The following SV2C variants were observed in gnomAD, a reference collection of about 807,000 sequenced individuals.
The protein encoded by SV2C is solute carrier family 22 member B3.
Under a neutral mutation model 79.7 loss-of-function variants are expected in SV2C, and 49 were observed. That is an observed-to-expected ratio of 0.61 (90% CI 0.49 to 0.78). SV2C has a LOEUF of 0.78. Among genes scored for constraint, SV2C ranks in the 30% least tolerant of loss-of-function variants. The pLI is 0.00. For synonymous variants in SV2C, 334 were observed against 333.2 expected (o/e 1.00, Z -0.03); for missense variants, 833 against 912.9 (o/e 0.91, Z 1.13).
the SV2C span, among the ~76,000 whole-genome samples, chr5:76,008,995 G>A: frequency 6.6e-6 from 1 of 152,218 alleles, no homozygotes; most frequent in East Asian, 1.9e-4. Context: ...TCTCCATGGT[G>A]CACTTCCTCA....
chr5:76,150,722 C>T (rs1045492652), intron 2 of SV2C, among the ~76,000 whole-genome samples: 3 of 126,422 alleles, frequency 2.4e-5, no homozygotes, highest in African/African-American at 8.9e-5. Context: ...ACTGCAGTTT[C>T]AACCTCCTGG....
At chr5:76,250,333 T>G (rs1490258433) in intron 4 of SV2C, among the ~76,000 whole-genome samples, 1 of 152,228 alleles carries the variant, frequency 6.6e-6, no homozygotes, top group East Asian at 1.9e-4. Context: ...CTTTATATTT[T>G]TAAAATAGGA....
chr5:76,162,512 C>T (rs1742925882), intron 2 of SV2C, among the ~76,000 whole-genome samples: 1 of 152,140 alleles, frequency 6.6e-6, no homozygotes, highest in South Asian at 2.1e-4. Context: ...TAGCTTAGTC[C>T]AGACTCATTT....
chr5:76,206,712 T>C (rs1398033535), intron 3 of SV2C, among the ~76,000 whole-genome samples: 2 of 152,324 alleles, frequency 1.3e-5, no homozygotes, highest in African/African-American at 2.4e-5. Context: ...CAAGAATGAA[T>C]ATGATAAAGT....
chr5:76,040,716 C>G, the SV2C span, among the ~76,000 whole-genome samples: 1 of 152,136 alleles, frequency 6.6e-6, no homozygotes, highest in South Asian at 2.1e-4. Context: ...AAGTCTCCCT[C>G]AGAAGCCTCT....
the SV2C span, among the ~76,000 whole-genome samples, chr5:75,973,663 A>G: frequency 1.4e-4 from 22 of 152,198 alleles, no homozygotes; most frequent in African/African-American, 5.1e-4. Context: ...ATATTTAGCC[A>G]TAGATCAGGA....
chr5:76,093,529 C>A (rs1747447394), intron 1 of SV2C, among the ~76,000 whole-genome samples: 1 of 152,226 alleles, frequency 6.6e-6, no homozygotes, highest in Admixed American at 6.5e-5. Context: ...TATCATTTGA[C>A]CTCCATGCCT....
intron 2 of SV2C, among the ~76,000 whole-genome samples, chr5:76,139,694 C>T (rs982381476): frequency 6.6e-6 from 1 of 151,944 alleles, no homozygotes; most frequent in Admixed American, 6.6e-5. Context: ...TTCATAGATA[C>T]TAGGTTTTCT....
the SV2C span, among the ~76,000 whole-genome samples, chr5:75,978,171 T>C: frequency 6.6e-6 from 1 of 152,204 alleles, no homozygotes; most frequent in Admixed American, 6.5e-5. Flanking sequence ...GTCCTGTTCT[T>C]ATTCCATCTA....
chr5:76,183,963 G>A (rs1177732675), intron 2 of SV2C, among the ~76,000 whole-genome samples: 2 of 152,092 alleles, frequency 1.3e-5, no homozygotes, highest in African/African-American at 4.8e-5. Context: ...TATAGCACGT[G>A]TTTCATTCTG....
chr5:76,176,971 C>G (rs535360545), intron 2 of SV2C, among the ~76,000 whole-genome samples: 1 of 151,656 alleles, frequency 6.6e-6, no homozygotes, highest in Non-Finnish European at 1.5e-5. Flanking sequence ...AAAAATTAGC[C>G]GAGCACGGTG....
At chr5:76,186,494 C>T (rs779076840) in intron 2 of SV2C, among the ~76,000 whole-genome samples, 1 of 152,074 alleles carries the variant, frequency 6.6e-6, no homozygotes, top group African/African-American at 2.4e-5. Context: ...GAGTTCGATC[C>T]CAGCCTGGCC....
the SV2C span, among the ~76,000 whole-genome samples, chr5:75,930,209 C>T: frequency 6.6e-6 from 1 of 152,092 alleles, no homozygotes; most frequent in Non-Finnish European, 1.5e-5. Flanking sequence ...CTACCTCTTT[C>T]CTTACTCCCT....
chr5:75,991,216 C>A, the SV2C span, among the ~76,000 whole-genome samples: 1 of 151,754 alleles, frequency 6.6e-6, no homozygotes, highest in African/African-American at 2.4e-5. Context: ...AAATATAACA[C>A]CTTTCTGTAT....
At chr5:76,028,852 T>C in the SV2C span, among the ~76,000 whole-genome samples, 2 of 152,190 alleles carry the variant, frequency 1.3e-5, no homozygotes, top group Non-Finnish European at 2.9e-5. Flanking sequence ...CCAAAAATGT[T>C]TCCCAGAAAT....
At chr5:76,324,015 A>G (rs1233640803) in intron 12 of SV2C, among the ~76,000 whole-genome samples, 1 of 152,258 alleles carries the variant, frequency 6.6e-6, no homozygotes, top group Admixed American at 6.5e-5. Context: ...TGAAAGTAAA[A>G]TACAAAATAA....
At chr5:76,102,234 C>T (rs995527002) in intron 1 of SV2C, among the ~76,000 whole-genome samples, 1 of 152,140 alleles carries the variant, frequency 6.6e-6, no homozygotes, top group African/African-American at 2.4e-5. Context: ...AGTGCACTCC[C>T]TCAAGTCCTT....
chr5:75,884,315 G>T, the SV2C span, among the ~76,000 whole-genome samples: 5 of 152,086 alleles, frequency 3.3e-5, no homozygotes, highest in Admixed American at 3.3e-4. Flanking sequence ...ATGCCATTTT[G>T]CTTGATTGCA....
At chr5:75,933,304 T>C in the SV2C span, among the ~76,000 whole-genome samples, 1 of 152,242 alleles carries the variant, frequency 6.6e-6, no homozygotes, top group Admixed American at 6.5e-5. Flanking sequence ...ATTCACTTGC[T>C]TACTCACATG....
Sources: gnomAD v4.1 joint callset for allele counts (sites outside exome capture counted in the v4.1 genomes callset) on GRCh38, gnomAD v4.1.1 for gene constraint, MANE v1.5 for transcripts, NCBI Gene and HGNC (gene_info 2026-07-23, HGNC 2026-07-21) for gene names.